NFIX: variants seen among roughly 807,000 people sequenced by gnomAD.
The protein encoded by NFIX is nuclear factor 1 X-type.
In NFIX, 2 loss-of-function variants were observed where a neutral mutation model predicts 53.3. That is an observed-to-expected ratio of 0.04 (90% CI 0.02 to 0.12). The LOEUF is 0.12. NFIX is among the 10% of genes least tolerant of loss of function. The probability of loss-of-function intolerance (pLI) is 1.00; values close to 1 mark genes in which losing one functional copy is unlikely to be tolerated. For synonymous variants in NFIX, 244 were observed against 289.0 expected (o/e 0.84, Z 1.58); for missense variants, 310 against 674.5 (o/e 0.46, Z 5.99).
chr19:13,019,634 G>T (rs2012854109), intron 1 of NFIX, among the ~76,000 whole-genome samples: 1 of 151,474 alleles, frequency 6.6e-6, no homozygotes, highest in East Asian at 1.9e-4. Context: ...TTTTCTGTTG[G>T]GGGTACATTT....
At chr19:13,033,616 C>T (rs528706263) in intron 2 of NFIX, among the ~76,000 whole-genome samples, 1 of 152,264 alleles carries the variant, frequency 6.6e-6, no homozygotes, top group African/African-American at 2.4e-5. Context: ...TGGGCATGCC[C>T]TTGGTCTCTA....
At position 13,093,269 on chromosome 19, in the gene NFIX, C is replaced by T. The variant is rs926949478; in HGVS notation, c.1495-1366C>T. Among the ~76,000 whole-genome samples the T allele has an allele frequency of 6.6e-6, 1 of 152,258 alleles. No individual in the cohort carries two copies. The highest frequency in any genetic ancestry group is 6.5e-5 in the Admixed American group (1 of 15,288). On this transcript the variant is annotated intron_variant, in intron 10 of 10. Transcript: ENST00000592199. The surrounding 1 kb of genome is among the most constrained non-coding windows in gnomAD (Gnocchi z 4.7). ...GATCTCCAAGGCCCTTTCTGAAACT[C>T]AGTGTCCCTATCCTCAGTCCCAAAC...
rs117405333 is a variant in NFIX, at chr19:12,998,987, C to T, written c.27+3123C>T. Reference sequence around the variant, plus strand: ...TAGCGACGAAGGCACATGGAGACCACGACACCTCCCAGACTCATGGAGCCC... The same window carrying T: ...TAGCGACGAAGGCACATGGAGACCATGACACCTCCCAGACTCATGGAGCCC... On this transcript the variant is annotated intron_variant, in intron 1 of 10. Coordinates refer to ENST00000592199, the MANE Select transcript of NFIX (RefSeq NM_001365902.3). This position sits in a 1 kb window ranked among gnomAD's most constrained non-coding sequence, Gnocchi z 4.4. 0.015 allele frequency among the ~76,000 whole-genome samples: 2,356 copies of T among 152,166 alleles called. 21 individuals carry two copies. The highest frequency in any genetic ancestry group is 0.024 in the Non-Finnish European group (1,646 of 68,000).
chr19:13,083,009 A>G (rs1296530778), intron 8 of NFIX, among the ~76,000 whole-genome samples: 1 of 152,028 alleles, frequency 6.6e-6, no homozygotes, highest in African/African-American at 2.4e-5. Flanking sequence ...TCCCTAAGGG[A>G]AGCCAGTCCT....
In NFIX at chr19:13,011,489, A is replaced by G. The variant is rs1426905526; in HGVS notation, c.28-13532A>G. Among the ~76,000 whole-genome samples, 1 of 141,520 alleles carries G rather than the reference A, an allele frequency of 7.1e-6. No individual in the cohort carries two copies. Among genetic ancestry groups the G allele is most frequent in the Admixed American group, 6.9e-5 (1 of 14,432 alleles). 92.8% of individuals were successfully genotyped at this position (141,520 alleles called of 152,430 possible). On this transcript the variant is annotated intron_variant, in intron 1 of 10. Transcript: ENST00000592199. The surrounding 1 kb of genome is among the most constrained non-coding windows in gnomAD (Gnocchi z 6.5). ...TGGAGGCGAGTTCCCTGCGCGCATC[A>G]TGGACTTCAGGAGTGAGGGTGGGTG...
At chr19:13,061,082 A>AG (rs2016050257) in intron 2 of NFIX, among the ~76,000 whole-genome samples, 8 of 136,840 alleles carry the variant, frequency 5.8e-5, no homozygotes, top group East Asian at 4.8e-4. Context: ...GTGGCCTTAG[A>AG]CCCCCCCCTC....
At position 13,073,011 on chromosome 19, in the gene NFIX, C is replaced by G. The variant is rs779601476; in HGVS notation, c.560-36C>G. 2.5e-6 allele frequency: 4 copies of G among 1,606,348 alleles called. No individual in the cohort carries two copies. Among genetic ancestry groups the G allele is most frequent in the South Asian group, 2.2e-5 (2 of 90,938 alleles). ...TGGCTGGTGCTTATGGGGAACTTTG[C>G]TCCTGATACATTCTCCCCTTTTGTG... On this transcript the variant is annotated intron_variant, in intron 2 of 10. Coordinates refer to ENST00000592199, the MANE Select transcript of NFIX (RefSeq NM_001365902.3). The surrounding 1 kb of genome is among the most constrained non-coding windows in gnomAD (Gnocchi z 4.5).
chr19:13,042,355 CTTTTTTTTTT>C (rs35785662), intron 2 of NFIX, among the ~76,000 whole-genome samples: 2 of 100,574 alleles, frequency 2.0e-5, no homozygotes, highest in African/African-American at 7.5e-5. Flanking sequence ...CTTTTACATG[CTTTTTTTTTT>C]TTTTTTTTTT....
At chr19:13,053,602 C>T (rs1360105987) in intron 2 of NFIX, among the ~76,000 whole-genome samples, 1 of 152,270 alleles carries the variant, frequency 6.6e-6, no homozygotes, top group East Asian at 1.9e-4. Context: ...ATCCTCCATC[C>T]TCATTCCCAA....
chr19:13,017,805 C>T (rs1362026235), intron 1 of NFIX, among the ~76,000 whole-genome samples: 1 of 152,250 alleles, frequency 6.6e-6, no homozygotes, highest in Non-Finnish European at 1.5e-5. Flanking sequence ...CCTTTTGTCA[C>T]TTTTTCAGTT....
At position 13,037,507 on chromosome 19, in the gene NFIX, G is replaced by A. The variant is rs1372925925; in HGVS notation, c.559+11955G>A. Among the ~76,000 whole-genome samples, 1 of 152,196 alleles carries A rather than the reference G, an allele frequency of 6.6e-6. No individual in the cohort carries two copies. The highest frequency in any genetic ancestry group is 1.5e-5 in the Non-Finnish European group (1 of 68,038). Reference sequence around the variant, plus strand: ...GGCCCCAGAAGAAACTATGAGGTGGGATATAATCTTTTTAGGTGTATGGGA... The same window carrying A: ...GGCCCCAGAAGAAACTATGAGGTGGAATATAATCTTTTTAGGTGTATGGGA... On this transcript the variant is annotated intron_variant, in intron 2 of 10. Transcript: ENST00000592199. The surrounding 1 kb of genome is among the most constrained non-coding windows in gnomAD (Gnocchi z 4.2).
At chr19:13,065,007 A>G (rs1364140166) in intron 2 of NFIX, among the ~76,000 whole-genome samples, 2 of 151,650 alleles carry the variant, frequency 1.3e-5, no homozygotes, top group Non-Finnish European at 2.9e-5. Flanking sequence ...AACTTGACCA[A>G]AGTCACAGGC....
chr19:13,046,788 GGAA>G (rs1400035954), intron 2 of NFIX, among the ~76,000 whole-genome samples: 2 of 152,214 alleles, frequency 1.3e-5, no homozygotes, highest in East Asian at 1.9e-4. Context: ...GAAAGGGAAG[GGAA>G]GAAGAAGGGA....
rs533738535 is a variant in NFIX, at chr19:13,009,702, A to G, written c.27+13838A>G. ...GGCCACGCCCTCCCCACCAAATGCTACTTGGCTCCAAGTGGGGTACTGATG... is the reference window on the plus strand; with the variant it reads ...GGCCACGCCCTCCCCACCAAATGCTGCTTGGCTCCAAGTGGGGTACTGATG... On this transcript the variant is annotated intron_variant, in intron 1 of 10. Transcript: ENST00000592199. The surrounding 1 kb of genome is among the most constrained non-coding windows in gnomAD (Gnocchi z 4.7). 3.3e-5 allele frequency among the ~76,000 whole-genome samples: 5 copies of G among 152,324 alleles called. No homozygotes were observed. In the East Asian group the frequency reaches 9.7e-4, roughly 29 times the overall value.
In NFIX at chr19:13,073,147, C is replaced by A; in HGVS notation, c.622+38C>A. On this transcript the variant is annotated intron_variant, in intron 3 of 10. Transcript: ENST00000592199. The surrounding 1 kb of genome is among the most constrained non-coding windows in gnomAD (Gnocchi z 4.5). ...CACCTGCCCAGCTGCCCTTATCCTTCATGCCCCTCCACTTCCTTCCCCCAC... is the reference window on the plus strand; with the variant it reads ...CACCTGCCCAGCTGCCCTTATCCTTAATGCCCCTCCACTTCCTTCCCCCAC... 1 of 1,600,504 alleles carries A rather than the reference C, an allele frequency of 6.2e-7. No individual in the cohort carries two copies. The highest frequency in any genetic ancestry group is 8.6e-7 in the Non-Finnish European group (1 of 1,167,546).
In NFIX at chr19:13,067,502, GTGTA is replaced by G. The variant is rs1351065541; in HGVS notation, c.560-5541_560-5538del. ...TGTGTGCGTGTGTGTGTGTGTGTGT[GTGTA>G]TGTGTGTGTCTGAGTCTGAGCATAT... On this transcript the variant is annotated intron_variant, in intron 2 of 10. Coordinates refer to ENST00000592199, the MANE Select transcript of NFIX (RefSeq NM_001365902.3). This position sits in a 1 kb window ranked among gnomAD's most constrained non-coding sequence, Gnocchi z 4.2. 4.3e-4 allele frequency among the ~76,000 whole-genome samples: 60 copies of G among 138,904 alleles called. No individual in the cohort carries two copies. Among genetic ancestry groups the G allele is most frequent in the African/African-American group, 1.5e-3 (55 of 37,520 alleles). 91.1% of individuals were successfully genotyped at this position (138,904 alleles called of 152,430 possible). A position where few individuals can be genotyped will look rare whatever the true frequency, so the allele number is the denominator to read the frequency against.
At chr19:13,018,666 T>C (rs2012801841) in intron 1 of NFIX, among the ~76,000 whole-genome samples, 1 of 152,188 alleles carries the variant, frequency 6.6e-6, no homozygotes, top group African/African-American at 2.4e-5. Flanking sequence ...CCCACCCTCC[T>C]CTAGGATAAG....
In NFIX at chr19:13,088,432, G is replaced by A. The variant is rs1196851957; in HGVS notation, c.1402+296G>A. Among the ~76,000 whole-genome samples, 1 of 152,102 alleles carries A rather than the reference G, an allele frequency of 6.6e-6. No individual in the cohort carries two copies. The highest frequency in any genetic ancestry group is 1.5e-5 in the Non-Finnish European group (1 of 68,022). On this transcript the variant is annotated intron_variant, in intron 9 of 10. Transcript: ENST00000592199. The surrounding 1 kb of genome is among the most constrained non-coding windows in gnomAD (Gnocchi z 5.9). ...CTGGGGCGCGCAGGCCAGGGGTGCT[G>A]GCGGGGGTGGGAGGGGGCGGGGAGG...
intron 1 of NFIX, among the ~76,000 whole-genome samples, chr19:13,008,327 C>T (rs757848407): frequency 7.9e-5 from 12 of 152,168 alleles, no homozygotes; most frequent in Non-Finnish European, 1.5e-4. Context: ...GGCTGCATCC[C>T]TAAAGGTGAG....
Sources: gnomAD v4.1 joint callset for allele counts (sites outside exome capture counted in the v4.1 genomes callset) on GRCh38, gnomAD v4.1.1 for gene constraint, Gnocchi (gnomAD v3.1) non-coding constraint, MANE v1.5 for transcripts, NCBI Gene and HGNC (gene_info 2026-07-23, HGNC 2026-07-21) for gene names.